The following DNAH17 variants were observed in gnomAD, a reference collection of about 807,000 sequenced individuals.
DNAH17 encodes the protein axonemal beta dynein heavy chain 17.
A neutral mutation model predicts 485.6 loss-of-function variants in DNAH17; 376 were observed. The observed-to-expected ratio is 0.77, with a 90% CI of 0.71 to 0.84. The LOEUF (loss-of-function observed/expected upper bound fraction) is 0.84, where lower values mean the gene tolerates loss of function less well. Among genes scored for constraint, DNAH17 ranks in the 40% least tolerant of loss-of-function variants. DNAH17 has a pLI of 0.00. For missense variants in DNAH17, 6,370 were observed against 5,839.3 expected, an observed-to-expected ratio of 1.09 and a Z score of -2.96; for synonymous variants, 3,031 against 2,405.9, an observed-to-expected ratio of 1.26 and a Z score of -7.60.
chr17:78,482,190 C>A (rs1368353700), intron 48 of DNAH17, among the ~76,000 whole-genome samples: 3 of 150,580 alleles, frequency 2.0e-5, no homozygotes, highest in African/African-American at 7.3e-5. Context: ...GTCCTCCCAA[C>A]CTCAGCCTCA....
intron 58 of DNAH17, among the ~76,000 whole-genome samples, 200 bp downstream of exon 58, chr17:78,461,344 A>C (rs2088114499): frequency 6.6e-6 from 1 of 152,112 alleles, no homozygotes; most frequent in Admixed American, 6.5e-5. Context: ...GGAGTTTTCT[A>C]AGGAAAGCCT....
intron 12 of DNAH17, 146 bp from the exon 13 acceptor site, chr17:78,561,081 G>T: frequency 1.3e-6 from 1 of 757,118 alleles, no homozygotes; most frequent in Non-Finnish European, 2.1e-6. Context: ...ATGCAAACAA[G>T]CAGTGGCCAG....
intron 54 of DNAH17, among the ~76,000 whole-genome samples, chr17:78,469,900 G>T (rs866746519): frequency 6.6e-6 from 1 of 152,104 alleles, no homozygotes; most frequent in Admixed American, 6.5e-5. Context: ...GAAGAATGGA[G>T]GTTGCCAGGG....
Position 78,499,021 on chromosome 17 carries a change from A to T in DNAH17, c.5732T>A (p.Val1911Glu). The T allele has an allele frequency of 1.2e-6, 2 of 1,609,796 alleles. No homozygotes were observed. The highest frequency in any genetic ancestry group is 1.7e-6 in the Non-Finnish European group (2 of 1,178,038). Residue 1911 changes from valine (V) to glutamate (E), a missense_variant, in exon 37 of 81, where the codon GTG (valine) becomes GAG (glutamate). By Grantham distance (121) the Val-to-Glu change is moderately radical. Transcript: ENST00000389840. Reference protein sequence around the residue: ...FNRISVEVLSVIAVQVKCVQD... With the variant: ...FNRISVEVLSEIAVQVKCVQD... Reference sequence around the variant, plus strand: ...AGGGGACTTTACCTGCACGGCAATCACAGACAAGACTTCCACTGAGATGCG... The same window carrying T: ...AGGGGACTTTACCTGCACGGCAATCTCAGACAAGACTTCCACTGAGATGCG...
intron 57 of DNAH17, among the ~76,000 whole-genome samples, 163 bp downstream of exon 57, chr17:78,462,681 G>A (rs80153118): frequency 0.027 from 4,124 of 152,260 alleles, 87 homozygotes; most frequent in South Asian, 0.08. Flanking sequence ...TACTAACTCT[G>A]GCCTAGGAGT....
chr17:78,530,215 A>C (rs1267361564), intron 21 of DNAH17, 128 bp downstream of exon 21: 1 of 1,187,148 alleles, frequency 8.4e-7, no homozygotes, highest in Admixed American at 2.8e-5. Context: ...GTTGGCCTTG[A>C]AGCCCAGCCT....
At chr17:78,470,715 A>T (rs1207229380) in intron 54 of DNAH17, among the ~76,000 whole-genome samples, 1 of 152,168 alleles carries the variant, frequency 6.6e-6, no homozygotes, top group African/African-American at 2.4e-5. Flanking sequence ...TAACAGTGAA[A>T]ATGGTCAATT....
intron 16 of DNAH17, among the ~76,000 whole-genome samples, chr17:78,546,072 T>A (rs2143510793): frequency 6.6e-6 from 1 of 152,116 alleles, no homozygotes; most frequent in South Asian, 2.1e-4. Context: ...CCTCCCAGGC[T>A]CAAAAGTGAT....
chr17:78,457,440 A>G (rs1293107093), intron 62 of DNAH17, among the ~76,000 whole-genome samples: 1 of 152,224 alleles, frequency 6.6e-6, no homozygotes, highest in Non-Finnish European at 1.5e-5. Context: ...TCAGGATGAA[A>G]ACAAGCACAG....
chr17:78,479,015 A>G lies in DNAH17; in HGVS notation c.7992+10T>C, dbSNP rs372206061. ...AAGGCAGGCATGACATAAAGCTACAAGAGCAGTACCTGGAAAATATTGGAG... is the reference window on the plus strand; with the variant it reads ...AAGGCAGGCATGACATAAAGCTACAGGAGCAGTACCTGGAAAATATTGGAG... On this transcript the variant is annotated intron_variant, in intron 51 of 80. Transcript: ENST00000389840. 9.9e-6 allele frequency: 16 copies of G among 1,612,392 alleles called. No homozygotes were observed. The African/African-American group carries it at 1.9e-4, about 19-fold the overall frequency.
intron 48 of DNAH17, 66 bp from the exon 49 acceptor site, chr17:78,480,852 G>A: frequency 2.7e-6 from 3 of 1,117,976 alleles, no homozygotes; most frequent in Admixed American, 4.0e-5. Context: ...TGCCCCCACT[G>A]TGCTCCCAAG....
At chr17:78,498,976 G>GTGACCCCGAGGCCGCAGGCAGGGGACT in intron 37 of DNAH17, 32 bp downstream of exon 37, 1 of 1,548,802 alleles carries the variant, frequency 6.5e-7, no homozygotes, top group Non-Finnish European at 8.8e-7. Flanking sequence ...GTCACCCGAC[G>GTGACCCCGAGGCCGCAGGCAGGGGACT]TGACCCCGAG....
chr17:78,475,927 TAGG>T, intron 52 of DNAH17, 94 bp from the exon 53 acceptor site: 1 of 1,412,312 alleles, frequency 7.1e-7, no homozygotes, highest in Non-Finnish European at 9.5e-7. Flanking sequence ...CAAGGTGGCC[TAGG>T]AGGTCACCAC....
chr17:78,486,383 C>A lies in DNAH17; in HGVS notation c.6942G>T (p.Thr2314=). The change falls in exon 45 of 81, where the codon ACG becomes ACT. Residue 2314 remains threonine, a synonymous_variant. Coordinates refer to ENST00000389840, the MANE Select transcript of DNAH17 (RefSeq NM_173628.4). The part of the protein sequence containing the change: ...DKLRFGFKKI[T]PVPEITVIQT... ...GGATCACCGTGATCTCCGGCACTGG[C>A]GTGATCTTCTTGAACCCAAAGCGCA... is the stretch of plus-strand genomic sequence containing the variant. 1 of 1,613,862 alleles carries A rather than the reference C, an allele frequency of 6.2e-7. No homozygotes were observed. Among genetic ancestry groups the A allele is most frequent in the African/African-American group, 1.3e-5 (1 of 75,030 alleles).
At chr17:78,480,881 A>T (rs1375238529) in intron 48 of DNAH17, 95 bp from the exon 49 acceptor site, 2 of 846,662 alleles carry the variant, frequency 2.4e-6, no homozygotes, top group Non-Finnish European at 3.8e-6. Context: ...CCTTATTATT[A>T]TTTTTTTGAG....
chr17:78,445,706 CTT>C (rs1235338412), intron 69 of DNAH17, 26 bp from the exon 70 acceptor site: 2 of 1,582,778 alleles, frequency 1.3e-6, no homozygotes, highest in Non-Finnish European at 1.7e-6. Context: ...GGTGTACACA[CTT>C]AACGCAGCCA....
chr17:78,494,786 G>C lies in DNAH17; in HGVS notation c.6077C>G (p.Ser2026Cys). 6.2e-7 allele frequency: 1 copy of C among 1,612,436 alleles called. No individual in the cohort carries two copies. The highest frequency in any genetic ancestry group is 8.5e-7 in the Non-Finnish European group (1 of 1,179,076). The change falls in exon 40 of 81, where the codon TCT becomes TGT. Residue 2026 changes from serine to cysteine, a missense_variant. Transcript: ENST00000389840. ...CAGGGAGCCGGCCACCACCAGCACA[G>C]ACTTGATGGCTCTCAGGCCCCAGTC... ...HYDWGLRAIK[S>C]VLVVAGSLKR...
rs548700594 is a variant in DNAH17 at position 78,461,610 on chromosome 17, G to A, written c.9273C>T (p.Ala3091=). Residue 3091 remains alanine, a synonymous_variant, in exon 58 of 81, where the codon GCC becomes GCT. Transcript: ENST00000389840. The stretch of plus-strand genomic sequence containing the variant: ...TGGCCTTCTCTTTGCTGACCTTCTC[G>A]GCCTCGATGCCGACCACCTGGATCA... ...DQLIQVVGIE[A]EKVSKEKAIA... is the part of the protein sequence containing the mutation. 7.5e-5 allele frequency: 121 copies of A among 1,608,476 alleles called. No homozygotes were observed. In the East Asian group the frequency reaches 1.5e-3, roughly 19 times the overall value.
intron 25 of DNAH17, chr17:78,522,485 A>T (rs1316912696): frequency 6.1e-6 from 2 of 330,470 alleles, no homozygotes; most frequent in Non-Finnish European, 1.2e-5. Context: ...CTCCTGAAGC[A>T]CAAGGAGAAA....
Sources: allele counts gnomAD v4.1 joint callset (sites outside exome capture counted in the v4.1 genomes callset), GRCh38; gene constraint gnomAD v4.1.1; transcripts MANE v1.5; gene names NCBI Gene and HGNC (gene_info 2026-07-23, HGNC 2026-07-21).